The following SLC25A21 variants were observed in gnomAD, a reference collection of about 807,000 sequenced individuals.
SLC25A21 encodes the protein solute carrier family 25 member 21.
In SLC25A21, 47 loss-of-function variants were observed where a neutral mutation model predicts 43.8. The observed-to-expected ratio is 1.07, with a 90% confidence interval of 0.85 to 1.37. The LOEUF is 1.37. SLC25A21 is among the 40% of genes most tolerant of loss of function. The probability of loss-of-function intolerance (pLI) is 0.00; values close to 1 mark genes in which losing one functional copy is unlikely to be tolerated. For synonymous variants in SLC25A21, 131 were observed against 121.3 expected (o/e 1.08, Z -0.52); for missense variants, 352 against 350.2 (o/e 1.00, Z -0.04).
intron 2 of SLC25A21, among the ~76,000 whole-genome samples, chr14:36,827,383 C>T (rs892481507): frequency 2.0e-5 from 3 of 152,130 alleles, no homozygotes; most frequent in Admixed American, 6.5e-5. Context: ...AGTACAAATG[C>T]TTTTGGGCCT....
chr14:36,988,696 T>A (rs899120749), intron 1 of SLC25A21, among the ~76,000 whole-genome samples: 3 of 152,232 alleles, frequency 2.0e-5, no homozygotes, highest in African/African-American at 7.2e-5. Context: ...CTCTGTGAGA[T>A]GGAGCCCGGG....
intron 1 of SLC25A21, among the ~76,000 whole-genome samples, chr14:37,032,406 T>G (rs1001831140): frequency 3.3e-5 from 5 of 151,776 alleles, no homozygotes; most frequent in South Asian, 2.1e-4. Flanking sequence ...CGTGGTGGCG[T>G]GTGCCTGTAG....
At chr14:37,080,799 A>G (rs1014289536) in intron 1 of SLC25A21, among the ~76,000 whole-genome samples, 2 of 152,216 alleles carry the variant, frequency 1.3e-5, no homozygotes, top group African/African-American at 4.8e-5. Flanking sequence ...ATTAAGATTC[A>G]GCATGCTCCA....
At chr14:36,978,917 G>A (rs1959945681) in intron 1 of SLC25A21, among the ~76,000 whole-genome samples, 1 of 152,056 alleles carries the variant, frequency 6.6e-6, no homozygotes, top group Admixed American at 6.6e-5. Context: ...GCAATACCTT[G>A]TCTCTACTAA....
At chr14:37,154,943 A>G (rs1313705068) in intron 1 of SLC25A21, among the ~76,000 whole-genome samples, 1 of 152,182 alleles carries the variant, frequency 6.6e-6, no homozygotes, top group Non-Finnish European at 1.5e-5. Context: ...CGCCCGGCCG[A>G]TATCTTTTTC....
chr14:36,792,145 C>A (rs1887507885), intron 3 of SLC25A21, among the ~76,000 whole-genome samples: 2 of 151,956 alleles, frequency 1.3e-5, no homozygotes, highest in Non-Finnish European at 2.9e-5. Context: ...CGACTATTTC[C>A]CCACAGAACT....
At chr14:36,887,478 G>A (rs567466346) in intron 1 of SLC25A21, among the ~76,000 whole-genome samples, 4 of 150,844 alleles carry the variant, frequency 2.7e-5, no homozygotes, top group East Asian at 2.0e-4. Flanking sequence ...CAGGAGAATC[G>A]CTTAAACCTG....
rs1460432958 is a variant in SLC25A21, at chr14:36,678,247, T to TAAAC, written c.*2407_*2410dup. 9.1e-6 allele frequency: 5 copies of TAAAC among 552,182 alleles called. No individual in the cohort carries two copies. Among genetic ancestry groups the TAAAC allele is most frequent in the East Asian group, 8.6e-5 (3 of 35,026 alleles). The allele number at this position is 552,182 out of a possible 1,614,324, so 34.2% of individuals were successfully genotyped here. ...GTTAGGTTTTCAAATCACTAGGATGTAAACAGTAAGCAGATTTCTGACACA... is the reference window on the plus strand; with the variant it reads ...GTTAGGTTTTCAAATCACTAGGATGTAAACAAACAGTAAGCAGATTTCTGACACA... On this transcript the variant is annotated 3_prime_UTR_variant, in exon 10 of 10. Coordinates refer to ENST00000331299, the MANE Select transcript of SLC25A21 (RefSeq NM_030631.4).
chr14:36,958,964 AG>A (rs2138671425), intron 1 of SLC25A21, among the ~76,000 whole-genome samples: 1 of 152,298 alleles, frequency 6.6e-6, no homozygotes, highest in South Asian at 2.1e-4. Context: ...TGATCTCACG[AG>A]CTCCTAGCCT....
intron 1 of SLC25A21, among the ~76,000 whole-genome samples, chr14:37,061,659 A>T (rs1961950647): frequency 6.6e-6 from 1 of 152,228 alleles, no homozygotes; most frequent in Non-Finnish European, 1.5e-5. Flanking sequence ...CAAAAAAGGC[A>T]GATGCCACAC....
intron 6 of SLC25A21, among the ~76,000 whole-genome samples, chr14:36,715,566 G>A (rs1354195766): frequency 6.6e-6 from 1 of 152,130 alleles, no homozygotes; most frequent in African/African-American, 2.4e-5. Flanking sequence ...TACCAATTGT[G>A]GGCCAAATTG....
intron 1 of SLC25A21, among the ~76,000 whole-genome samples, chr14:37,147,838 T>TC (rs1405211305): frequency 2.3e-5 from 1 of 43,448 alleles, no homozygotes; most frequent in Non-Finnish European, 5.3e-5. Flanking sequence ...TTCTTTTTTT[T>TC]CTTTTCTTTT....
At chr14:37,025,529 T>C (rs1391843025) in intron 1 of SLC25A21, among the ~76,000 whole-genome samples, 1 of 152,168 alleles carries the variant, frequency 6.6e-6, no homozygotes, top group Admixed American at 6.6e-5. Context: ...ATTCAGTTAC[T>C]TGCAAGGCTG....
chr14:37,004,787 G>A (rs941844886), intron 1 of SLC25A21, among the ~76,000 whole-genome samples: 2 of 151,976 alleles, frequency 1.3e-5, no homozygotes, highest in African/African-American at 4.8e-5. Flanking sequence ...ACTGGTAGGG[G>A]GCAGAGCCGA....
intron 1 of SLC25A21, among the ~76,000 whole-genome samples, chr14:37,003,565 A>G (rs1462919500): frequency 6.6e-6 from 1 of 152,336 alleles, no homozygotes; most frequent in East Asian, 1.9e-4. Context: ...TTCATTCAAC[A>G]CTACACAGAA....
chr14:37,133,734 C>T (rs1208103825), intron 1 of SLC25A21, among the ~76,000 whole-genome samples: 1 of 152,112 alleles, frequency 6.6e-6, no homozygotes, highest in Non-Finnish European at 1.5e-5. Context: ...CATGCTAAAC[C>T]TGTTGTCCCT....
chr14:36,689,804 A>C (rs567148990), intron 7 of SLC25A21, among the ~76,000 whole-genome samples: 1 of 152,338 alleles, frequency 6.6e-6, no homozygotes, highest in Non-Finnish European at 1.5e-5. Context: ...AAGTCCTCCA[A>C]GTTATTCTGA....
chr14:37,137,841 T>G (rs917822735), intron 1 of SLC25A21, among the ~76,000 whole-genome samples: 6 of 152,222 alleles, frequency 3.9e-5, no homozygotes, highest in Non-Finnish European at 8.8e-5. Flanking sequence ...TGTATGTCAA[T>G]GAATTCGTTC....
At chr14:36,771,362 AT>A (rs75723090) in intron 3 of SLC25A21, among the ~76,000 whole-genome samples, 47 of 151,778 alleles carry the variant, frequency 3.1e-4, no homozygotes, top group Middle Eastern at 6.8e-3. Context: ...CCAAGAATAG[AT>A]TTTTTTTTGG....
Sources: allele counts gnomAD v4.1 joint callset (sites outside exome capture counted in the v4.1 genomes callset), GRCh38; gene constraint gnomAD v4.1.1; transcripts MANE v1.5; gene names NCBI Gene and HGNC (gene_info 2026-07-23, HGNC 2026-07-21).